Variants in ITGAV observed in about 807,000 individuals in gnomAD.
ITGAV encodes integrin subunit alpha V, also known as integrin alpha-V.
A neutral mutation model predicts 143.8 loss-of-function variants in ITGAV; 76 were observed. The observed-to-expected ratio is 0.53, with a 90% CI of 0.44 to 0.64. The LOEUF (loss-of-function observed/expected upper bound fraction) is 0.64. ITGAV is among the 30% of genes least tolerant of loss of function. The probability of loss-of-function intolerance (pLI) is 0.00; values close to 1 mark genes in which losing one functional copy is unlikely to be tolerated. For missense variants in ITGAV, 1,193 were observed against 1,274.7 expected (o/e 0.94, Z 0.98); for synonymous variants, 453 against 446.7 (o/e 1.01, Z -0.18).
intron 24 of ITGAV, 36 bp downstream of exon 24, chr2:186,667,812 G>A: frequency 2.2e-6 from 3 of 1,368,002 alleles, no homozygotes; most frequent in South Asian, 1.4e-5. Context: ...AACCTCGTGA[G>A]CAAGCCAACG....
intron 12 of ITGAV, among the ~76,000 whole-genome samples, chr2:186,644,907 C>A (rs1438523463): frequency 6.6e-6 from 1 of 151,954 alleles, no homozygotes; most frequent in African/African-American, 2.4e-5. Flanking sequence ...GTGATCAAGG[C>A]ATCGTTGATG....
intron 1 of ITGAV, among the ~76,000 whole-genome samples, chr2:186,601,450 A>ACC (rs199623687): frequency 6.6e-6 from 1 of 151,304 alleles, no homozygotes; most frequent in African/African-American, 2.4e-5. Context: ...ACAAAGCAAA[A>ACC]CTGTGTCTCT....
At chr2:186,676,760 GTTGA>G (rs1183249513) in intron 28 of ITGAV, 49 bp from the exon 29 acceptor site, 9 of 1,551,438 alleles carry the variant, frequency 5.8e-6, no homozygotes, top group Non-Finnish European at 7.9e-6. Flanking sequence ...TCAGATATTT[GTTGA>G]TTAAGTCAAT....
At chr2:186,675,302 C>T (rs1689177121) in intron 26 of ITGAV, among the ~76,000 whole-genome samples, 1 of 152,128 alleles carries the variant, frequency 6.6e-6, no homozygotes, top group African/African-American at 2.4e-5. Flanking sequence ...GAGTTCTAGT[C>T]ATAGAGTGAA....
chr2:186,625,678 T>TGTATGTGTGA, intron 4 of ITGAV, 91 bp downstream of exon 4: 1 of 451,372 alleles, frequency 2.2e-6, no homozygotes, highest in Non-Finnish European at 4.0e-6. Flanking sequence ...TGTGTGTGTG[T>TGTATGTGTGA]GAGAGAGAGA....
chr2:186,619,847 C>T (rs1488802634), intron 2 of ITGAV, among the ~76,000 whole-genome samples: 1 of 152,074 alleles, frequency 6.6e-6, no homozygotes, highest in Non-Finnish European at 1.5e-5. Context: ...AAAAAATTAG[C>T]TGGGCGTGGT....
At chr2:186,609,963 T>C (rs1687169472) in intron 2 of ITGAV, among the ~76,000 whole-genome samples, 1 of 152,112 alleles carries the variant, frequency 6.6e-6, no homozygotes, top group Admixed American at 6.6e-5. Context: ...TAAATCTTAA[T>C]GCATATAGAG....
intron 12 of ITGAV, among the ~76,000 whole-genome samples, chr2:186,645,335 G>A (rs892563154): frequency 1.3e-5 from 2 of 152,070 alleles, no homozygotes; most frequent in African/African-American, 4.8e-5. Context: ...AAGGAATAGA[G>A]TTGTAAAAGC....
At chr2:186,674,578 C>T (rs1408805566) in intron 26 of ITGAV, among the ~76,000 whole-genome samples, 3 of 151,828 alleles carry the variant, frequency 2.0e-5, no homozygotes, top group African/African-American at 7.3e-5. Flanking sequence ...GTGACATGAT[C>T]TTGGCTTACT....
chr2:186,633,006 T>C (rs1687854199), intron 5 of ITGAV, among the ~76,000 whole-genome samples: 1 of 151,404 alleles, frequency 6.6e-6, no homozygotes, highest in Non-Finnish European at 1.5e-5. Flanking sequence ...GATAGATACA[T>C]AGACAGATAG....
At chr2:186,663,925 A>T in intron 19 of ITGAV, 90 bp downstream of exon 19, 1 of 858,558 alleles carries the variant, frequency 1.2e-6, no homozygotes, top group Non-Finnish European at 1.9e-6. Context: ...TTTAACGAGA[A>T]TTAGTTATCC....
chr2:186,671,400 C>T (rs1689058861), intron 26 of ITGAV, among the ~76,000 whole-genome samples: 1 of 152,094 alleles, frequency 6.6e-6, no homozygotes. Flanking sequence ...ATGTTTATTC[C>T]TCCATGCTTT....
chr2:186,603,512 A>G (rs1463164835), intron 2 of ITGAV, among the ~76,000 whole-genome samples: 4 of 152,052 alleles, frequency 2.6e-5, no homozygotes, highest in Non-Finnish European at 5.9e-5. Flanking sequence ...GTATTTTTCC[A>G]TATATGGCTA....
chr2:186,671,933 G>A (rs1440998079), intron 26 of ITGAV, among the ~76,000 whole-genome samples: 1 of 144,410 alleles, frequency 6.9e-6, no homozygotes, highest in Non-Finnish European at 1.5e-5. Flanking sequence ...GTTGTGGTGT[G>A]CCTTAGTACT....
At chr2:186,624,332 A>G (rs558632252) in intron 3 of ITGAV, among the ~76,000 whole-genome samples, 45 of 152,192 alleles carry the variant, frequency 3.0e-4, no homozygotes, top group African/African-American at 1.1e-3. Context: ...TATGCTGCAT[A>G]GGGAAGGATT....
intron 4 of ITGAV, among the ~76,000 whole-genome samples, chr2:186,628,769 T>C (rs1267327850): frequency 1.3e-5 from 2 of 152,148 alleles, no homozygotes; most frequent in Non-Finnish European, 2.9e-5. Context: ...TATTTGAACA[T>C]AGATTTTTCT....
chr2:186,657,261 A>G (rs1688616401), intron 17 of ITGAV, among the ~76,000 whole-genome samples: 1 of 152,170 alleles, frequency 6.6e-6, no homozygotes, highest in African/African-American at 2.4e-5. Flanking sequence ...ACATCAGTAA[A>G]TATTTAGACA....
In ITGAV at chr2:186,668,900, A is replaced by G; in HGVS notation, c.2572A>G (p.Ile858Val). The G allele has an allele frequency of 6.2e-7, 1 of 1,609,826 alleles. No individual in the cohort carries two copies. ...AATGAACTGCACTTCAGATATGGAG[A>G]TCAACCCTTTGAGAATTAAGGTAAT... ...GPMNCTSDMEINPLRIKISSL... is the reference protein window; with the variant it reads ...GPMNCTSDMEVNPLRIKISSL... The change falls in exon 25 of 30, where the codon ATC (isoleucine) becomes GTC (valine). Residue 858 changes from isoleucine to valine, a missense_variant. Physicochemically the swap from Ile to Val is conservative, Grantham distance 29. Coordinates refer to ENST00000261023, the MANE Select transcript of ITGAV (RefSeq NM_002210.5).
At chr2:186,624,194 C>T (rs1054229393) in intron 3 of ITGAV, among the ~76,000 whole-genome samples, 22 of 152,108 alleles carry the variant, frequency 1.4e-4, no homozygotes, top group Admixed American at 2.0e-4. Flanking sequence ...TATAAGTTGT[C>T]TTTATGATTT....
Sources: gnomAD v4.1 joint callset for allele counts (sites outside exome capture counted in the v4.1 genomes callset) on GRCh38, gnomAD v4.1.1 for gene constraint, MANE v1.5 for transcripts, NCBI Gene and HGNC (gene_info 2026-07-23, HGNC 2026-07-21) for gene names.